The following LRP1B variants were observed in gnomAD, a reference collection of about 807,000 sequenced individuals.
The protein encoded by LRP1B is low-density lipoprotein receptor-related protein 1B.
In LRP1B, 217 loss-of-function variants were observed where a neutral mutation model predicts 556.6. The observed-to-expected ratio is 0.39, with a 90% CI of 0.35 to 0.44. LRP1B has a LOEUF of 0.44. LRP1B is among the 20% of genes least tolerant of loss of function. LRP1B has a pLI of 1.00. For missense variants in LRP1B, 5,053 were observed against 5,620.8 expected (o/e 0.90, Z 3.23); for synonymous variants, 2,047 against 1,865.8 (o/e 1.10, Z -2.50).
chr2:140,344,370 T>A (rs1259570259), intron 77 of LRP1B, among the ~76,000 whole-genome samples: 1 of 151,792 alleles, frequency 6.6e-6, no homozygotes, highest in Non-Finnish European at 1.5e-5. Context: ...TAGCCAACTC[T>A]TGGACATACC....
intron 7 of LRP1B, among the ~76,000 whole-genome samples, chr2:141,138,943 G>A (rs1485422621): frequency 1.3e-5 from 2 of 151,944 alleles, no homozygotes; most frequent in Admixed American, 1.3e-4. Flanking sequence ...GGATAGATAA[G>A]AGTGCCTAAT....
chr2:141,060,077 C>A (rs1558832627), intron 8 of LRP1B, among the ~76,000 whole-genome samples: 3 of 151,722 alleles, frequency 2.0e-5, no homozygotes, highest in African/African-American at 7.3e-5. Flanking sequence ...ACTTATAGAA[C>A]AAAATCACAA....
intron 2 of LRP1B, among the ~76,000 whole-genome samples, chr2:141,520,958 G>A (rs1447408966): frequency 6.6e-6 from 1 of 151,884 alleles, no homozygotes; most frequent in African/African-American, 2.4e-5. Context: ...TTTTTGGTCG[G>A]TGATAGAAGA....
chr2:140,810,652 A>G (rs188656839), intron 32 of LRP1B, among the ~76,000 whole-genome samples: 1 of 152,196 alleles, frequency 6.6e-6, no homozygotes, highest in Admixed American at 6.5e-5. Flanking sequence ...CTCTTTGGTA[A>G]TGTACTTTAA....
intron 1 of LRP1B, among the ~76,000 whole-genome samples, chr2:141,978,696 T>C (rs1478891699): frequency 6.6e-6 from 1 of 151,980 alleles, no homozygotes; most frequent in African/African-American, 2.4e-5. Context: ...GGAATATAAA[T>C]AGGTATAATG....
At chr2:141,087,289 G>A (rs1278193443) in intron 7 of LRP1B, among the ~76,000 whole-genome samples, 1 of 152,110 alleles carries the variant, frequency 6.6e-6, no homozygotes, top group Non-Finnish European at 1.5e-5. Flanking sequence ...CTCCAAGTCA[G>A]CCTATCGGAC....
Position 140,483,887 on chromosome 2 carries a change from C to T in LRP1B, c.9425+1456G>A, listed in dbSNP as rs139675667. 3.9e-3 allele frequency among the ~76,000 whole-genome samples: 588 copies of T among 151,796 alleles called. 8 individuals are homozygous for T. Among genetic ancestry groups the T allele is most frequent in the African/African-American group, 0.012 (493 of 41,410 alleles). ...AACTCCTGACCTCAAGTGATCCATC[C>T]GCCTCGGCGCCCAAAGTGCTGGAAT... On this transcript the variant is annotated intron_variant, in intron 59 of 90. Transcript: ENST00000389484.
rs1448527578 is a variant in LRP1B, at chr2:140,898,551, C to T, written c.3766+4369G>A. The T allele has an allele frequency of 2.1e-5, 7 of 326,254 alleles. No individual in the cohort carries two copies. The East Asian group carries it at 2.3e-4, about 11-fold the overall frequency. 20.2% of individuals were successfully genotyped at this position (326,254 alleles called of 1,614,324 possible). ...CACTAATGAGCAATCCCAGGACCATCGATTTGTCCAACAACAAGATGGACA... is the reference window on the plus strand; with the variant it reads ...CACTAATGAGCAATCCCAGGACCATTGATTTGTCCAACAACAAGATGGACA... On this transcript the variant is annotated intron_variant, in intron 23 of 90. Transcript: ENST00000389484.
intron 7 of LRP1B, among the ~76,000 whole-genome samples, chr2:141,176,510 C>A (rs1680742045): frequency 6.6e-6 from 1 of 152,022 alleles, no homozygotes; most frequent in South Asian, 2.1e-4. Flanking sequence ...TTCCCCTGTG[C>A]CTACTGCCAT....
intron 35 of LRP1B, among the ~76,000 whole-genome samples, chr2:140,725,387 AT>A (rs1471282643): frequency 1.3e-5 from 2 of 152,012 alleles, no homozygotes; most frequent in Admixed American, 1.3e-4. Flanking sequence ...AATCACTCAT[AT>A]AAACATGAAA....
intron 41 of LRP1B, among the ~76,000 whole-genome samples, chr2:140,641,064 C>T (rs1684276361): frequency 6.6e-6 from 1 of 152,162 alleles, no homozygotes; most frequent in African/African-American, 2.4e-5. Context: ...CAGGAGTCTT[C>T]ACAATAAAAC....
At chr2:140,526,110 T>G (rs1038138943) in intron 48 of LRP1B, 117 bp from the exon 49 acceptor site, 2 of 1,337,496 alleles carry the variant, frequency 1.5e-6, no homozygotes, top group African/African-American at 2.9e-5. Flanking sequence ...GATACGTAAT[T>G]ATCCCACACA....
chr2:140,594,455 A>G lies in LRP1B; in HGVS notation c.7194+4176T>C, dbSNP rs947023917. On this transcript the variant is annotated intron_variant, in intron 43 of 90. Transcript: ENST00000389484. ...CATAGTTTTGAAAATTTACTTGACT[A>G]TGGTCTAATTCCTAAAGATATTCAA... Among the ~76,000 whole-genome samples the G allele has an allele frequency of 4.6e-5, 7 of 152,326 alleles. 1 individual carries two copies. Among genetic ancestry groups the G allele is most frequent in the Admixed American group, 3.3e-4 (5 of 15,294 alleles).
intron 11 of LRP1B, among the ~76,000 whole-genome samples, chr2:141,041,848 C>T (rs551056763): frequency 2.5e-4 from 38 of 151,890 alleles, no homozygotes; most frequent in African/African-American, 7.2e-4. Flanking sequence ...TGACTTTGTA[C>T]CCTATAAATA....
intron 66 of LRP1B, among the ~76,000 whole-genome samples, chr2:140,390,872 T>C (rs999537549): frequency 1.3e-5 from 2 of 151,184 alleles, no homozygotes; most frequent in African/African-American, 4.9e-5. Context: ...AAATGAAAAC[T>C]ACAATGAGAT....
chr2:141,267,321 C>T (rs1320924205), intron 3 of LRP1B, among the ~76,000 whole-genome samples: 1 of 152,084 alleles, frequency 6.6e-6, no homozygotes, highest in Non-Finnish European at 1.5e-5. Flanking sequence ...ACTATCTGAG[C>T]TTCAGATTCT....
intron 29 of LRP1B, among the ~76,000 whole-genome samples, chr2:140,844,208 T>G (rs1692205538): frequency 6.6e-6 from 1 of 151,950 alleles, no homozygotes. Context: ...ATTACAGGCA[T>G]GCGCCACCAC....
chr2:142,099,740 A>G (rs1273041557), intron 1 of LRP1B, among the ~76,000 whole-genome samples: 10 of 151,902 alleles, frequency 6.6e-5, no homozygotes, highest in Non-Finnish European at 1.2e-4. Context: ...TCAATCTTCA[A>G]AATAATTAGT....
intron 43 of LRP1B, among the ~76,000 whole-genome samples, chr2:140,556,676 T>A (rs1230179059): frequency 1.3e-5 from 2 of 152,010 alleles, no homozygotes; most frequent in Non-Finnish European, 2.9e-5. Flanking sequence ...CGTCCCTACA[T>A]CTGTTTGAAA....
Sources: allele counts gnomAD v4.1 joint callset (sites outside exome capture counted in the v4.1 genomes callset), GRCh38; gene constraint gnomAD v4.1.1; transcripts MANE v1.5; gene names NCBI Gene and HGNC (gene_info 2026-07-23, HGNC 2026-07-21).